The following CCDC85A variants were observed in gnomAD, a reference collection of about 807,000 sequenced individuals.
The protein encoded by CCDC85A is coiled-coil domain-containing protein 85A.
Under a neutral mutation model 50.2 loss-of-function variants are expected in CCDC85A, and 38 were observed. The observed-to-expected ratio is 0.76, with a 90% CI of 0.58 to 0.99. The LOEUF is 0.99. Ranked by LOEUF, CCDC85A falls within the 50% of genes least tolerant of loss-of-function variation. CCDC85A has a pLI of 0.00. For synonymous variants in CCDC85A, 366 were observed against 301.4 expected (o/e 1.21, Z -2.22); for missense variants, 820 against 742.0 (o/e 1.11, Z -1.22).
chr2:56,184,948 G>T, intron 1 of CCDC85A, 48 bp downstream of exon 1: 4 of 1,439,688 alleles, frequency 2.8e-6, no homozygotes, highest in Non-Finnish European at 3.6e-6. Flanking sequence ...GGAGCGGGGT[G>T]CCCCGAGGAG....
At chr2:56,314,917 AGAG>A (rs1458624877) in intron 2 of CCDC85A, among the ~76,000 whole-genome samples, 3 of 152,080 alleles carry the variant, frequency 2.0e-5, no homozygotes, top group Non-Finnish European at 4.4e-5. Flanking sequence ...ATCATCACTT[AGAG>A]GAAAGGGTGT....
intron 2 of CCDC85A, among the ~76,000 whole-genome samples, chr2:56,287,181 A>G (rs747707907): frequency 6.6e-6 from 1 of 152,186 alleles, no homozygotes; most frequent in Non-Finnish European, 1.5e-5. Flanking sequence ...TCACTTTTGT[A>G]ACCCAGACTT....
intron 2 of CCDC85A, among the ~76,000 whole-genome samples, chr2:56,207,244 C>A (rs1170223544): frequency 6.6e-6 from 1 of 152,056 alleles, no homozygotes; most frequent in African/African-American, 2.4e-5. Context: ...TCCTTTGAGC[C>A]CTGGAAGGTC....
At chr2:56,220,082 C>A (rs1396459689) in intron 2 of CCDC85A, among the ~76,000 whole-genome samples, 1 of 151,942 alleles carries the variant, frequency 6.6e-6, no homozygotes, top group Non-Finnish European at 1.5e-5. Context: ...AAGACAAGGT[C>A]ATTGGTGTAG....
chr2:56,194,191 A>C (rs1031029233), intron 2 of CCDC85A, among the ~76,000 whole-genome samples: 1 of 152,210 alleles, frequency 6.6e-6, no homozygotes, highest in African/African-American at 2.4e-5. Flanking sequence ...CCTTTTTAAA[A>C]TGTACAGATG....
At chr2:56,186,565 T>C (rs568444861) in intron 1 of CCDC85A, among the ~76,000 whole-genome samples, 1 of 152,212 alleles carries the variant, frequency 6.6e-6, no homozygotes, top group Non-Finnish European at 1.5e-5. Flanking sequence ...AAGGGGGCAT[T>C]AGTTTGTCAT....
chr2:56,312,525 A>G (rs765910699), intron 2 of CCDC85A, among the ~76,000 whole-genome samples: 8 of 152,108 alleles, frequency 5.3e-5, no homozygotes, highest in Non-Finnish European at 1.0e-4. Flanking sequence ...GGTTTTGAAG[A>G]ATAACTTTAC....
chr2:56,365,474 C>G (rs1307981948), intron 3 of CCDC85A, among the ~76,000 whole-genome samples: 1 of 151,964 alleles, frequency 6.6e-6, no homozygotes, highest in African/African-American at 2.4e-5. Context: ...CCAATCTGAC[C>G]CTCCCTAGGA....
At chr2:56,211,198 G>A (rs1464853162) in intron 2 of CCDC85A, among the ~76,000 whole-genome samples, 17 of 152,032 alleles carry the variant, frequency 1.1e-4, no homozygotes, top group Non-Finnish European at 2.5e-4. Context: ...TTCCCTTTGG[G>A]GAAAAGAGTG....
chr2:56,365,585 A>G (rs570240917), intron 3 of CCDC85A, among the ~76,000 whole-genome samples: 1 of 152,282 alleles, frequency 6.6e-6, no homozygotes, highest in South Asian at 2.1e-4. Context: ...TGGGGTATAA[A>G]TTACTGAAAA....
rs995183450 is a variant in CCDC85A, at chr2:56,192,733, C to T, written c.533C>T (p.Ala178Val). The T allele has an allele frequency of 1.2e-6, 2 of 1,613,412 alleles. No homozygotes were observed. The highest frequency in any genetic ancestry group is 1.3e-5 in the African/African-American group (1 of 74,848). Residue 178 changes from alanine to valine, a missense_variant, in exon 2 of 6, where the codon GCA (alanine) becomes GTA (valine). Coordinates refer to ENST00000407595, the MANE Select transcript of CCDC85A (RefSeq NM_001080433.2). The surrounding 1 kb of genome is among the most constrained non-coding windows in gnomAD (Gnocchi z 4.7). ...GTGCTACTAGATGAGGAGAAGGGTG[C>T]AGGCTGCGCAGGCAGCCGCTGCTCC... is the stretch of plus-strand genomic sequence containing the variant. ...LCVLLDEEKG[A>V]GCAGSRCSID...
At chr2:56,299,154 G>A (rs1672090550) in intron 2 of CCDC85A, among the ~76,000 whole-genome samples, 1 of 152,140 alleles carries the variant, frequency 6.6e-6, no homozygotes, top group South Asian at 2.1e-4. Flanking sequence ...ACTCAGTCTG[G>A]AAGAGTAAAG....
At chr2:56,251,058 T>A (rs1398603262) in intron 2 of CCDC85A, among the ~76,000 whole-genome samples, 1 of 152,208 alleles carries the variant, frequency 6.6e-6, no homozygotes, top group African/African-American at 2.4e-5. Context: ...TGACACTTTA[T>A]TACCTAGTGT....
At chr2:56,212,281 T>C (rs1416091910) in intron 2 of CCDC85A, among the ~76,000 whole-genome samples, 1 of 152,048 alleles carries the variant, frequency 6.6e-6, no homozygotes, top group Non-Finnish European at 1.5e-5. Flanking sequence ...TCTTCCCAAT[T>C]CTAATTCAGA....
chr2:56,375,684 T>G, intron 4 of CCDC85A, 132 bp from the exon 5 acceptor site: 1 of 859,674 alleles, frequency 1.2e-6, no homozygotes, highest in Non-Finnish European at 1.9e-6. Context: ...ATTGATAGCA[T>G]TGTAGACTAG....
intron 2 of CCDC85A, among the ~76,000 whole-genome samples, chr2:56,294,452 TA>T (rs1290826130): frequency 6.6e-6 from 1 of 152,220 alleles, no homozygotes; most frequent in African/African-American, 2.4e-5. Flanking sequence ...ATAAAATTTT[TA>T]AAAAATCAGA....
At chr2:56,273,286 A>G (rs1246290216) in intron 2 of CCDC85A, among the ~76,000 whole-genome samples, 1 of 152,126 alleles carries the variant, frequency 6.6e-6, no homozygotes, top group Non-Finnish European at 1.5e-5. Flanking sequence ...TAGAAATAAT[A>G]TTTTAAAATT....
At chr2:56,278,198 G>C (rs548863121) in intron 2 of CCDC85A, among the ~76,000 whole-genome samples, 2 of 152,086 alleles carry the variant, frequency 1.3e-5, no homozygotes, top group Non-Finnish European at 2.9e-5. Context: ...ATATTGGTTT[G>C]AGTAGTGTCT....
intron 2 of CCDC85A, among the ~76,000 whole-genome samples, chr2:56,280,298 A>T (rs1022456119): frequency 2.6e-5 from 4 of 152,034 alleles, no homozygotes; most frequent in African/African-American, 9.7e-5. Flanking sequence ...ACCCTTTTTG[A>T]ACCTTGGCTT....
Sources: allele counts gnomAD v4.1 joint callset (sites outside exome capture counted in the v4.1 genomes callset), GRCh38; gene constraint gnomAD v4.1.1; non-coding constraint Gnocchi (gnomAD v3.1); transcripts MANE v1.5; gene names NCBI Gene and HGNC (gene_info 2026-07-23, HGNC 2026-07-21).